Variants in OTOP3 observed in about 807,000 individuals in gnomAD.
OTOP3 encodes the protein proton channel OTOP3.
Under a neutral mutation model 50.8 loss-of-function variants are expected in OTOP3, and 41 were observed. The observed-to-expected ratio is 0.81, with a 90% CI of 0.63 to 1.05. OTOP3 has a LOEUF of 1.05. Ranked by LOEUF, OTOP3 falls within the 50% of genes least tolerant of loss-of-function variation. The pLI is 0.00. For synonymous variants in OTOP3, 320 were observed against 324.4 expected (o/e 0.99, Z 0.14); for missense variants, 788 against 760.8 (o/e 1.04, Z -0.42).
chr17:74,942,702 T>C (rs1252845868), intron 3 of OTOP3, among the ~76,000 whole-genome samples: 2 of 151,586 alleles, frequency 1.3e-5, no homozygotes, highest in Non-Finnish European at 2.9e-5. Flanking sequence ...GAGGCCGAGG[T>C]GGGTGGATCA....
intron 5 of OTOP3, among the ~76,000 whole-genome samples, chr17:74,945,973 T>C (rs2039220980): frequency 8.7e-6 from 1 of 114,504 alleles, no homozygotes; most frequent in Non-Finnish European, 1.8e-5. Flanking sequence ...TTTTGTTTTT[T>C]GTTTTTTGTG....
Position 74,946,905 on chromosome 17 carries a change from A to T in OTOP3, c.996A>T (p.Ala332=), listed in dbSNP as rs753703753. 2 of 1,611,998 alleles carry T rather than the reference A, an allele frequency of 1.2e-6. No individual in the cohort carries two copies. Among genetic ancestry groups the T allele is most frequent in the Non-Finnish European group, 1.7e-6 (2 of 1,179,940 alleles). Residue 332 remains alanine, a synonymous_variant, in exon 6 of 7, where the codon GCA becomes GCT. Coordinates refer to ENST00000328801, the MANE Select transcript of OTOP3 (RefSeq NM_001272005.2). ...TGCTGGGCCTGCTGGTGCTGCTGGCAGGTGTGTGCGTCTTTGTGCTCTTCC... is the reference window on the plus strand; with the variant it reads ...TGCTGGGCCTGCTGGTGCTGCTGGCTGGTGTGTGCGTCTTTGTGCTCTTCC... ...GPLLGLLVLL[A]GVCVFVLFQI... is the part of the protein sequence containing the mutation.
Position 74,947,910 on chromosome 17 carries a change from C to T in OTOP3, c.1566+435C>T, listed in dbSNP as rs139367122. On this transcript the variant is annotated intron_variant, in intron 6 of 6. Transcript: ENST00000328801. ...CATGACAGTAACTCCATGCAACAGACACTATTGCTGTCCCTTTTCACAGAG... is the reference window on the plus strand; with the variant it reads ...CATGACAGTAACTCCATGCAACAGATACTATTGCTGTCCCTTTTCACAGAG... 2.3e-3 allele frequency among the ~76,000 whole-genome samples: 345 copies of T among 152,326 alleles called. 3 individuals carry two copies. The highest frequency in any genetic ancestry group is 6.8e-3 in the African/African-American group (284 of 41,566).
intron 6 of OTOP3, 38 bp downstream of exon 6, chr17:74,947,513 G>A (rs1468914358): frequency 1.3e-6 from 2 of 1,520,990 alleles, no homozygotes; most frequent in East Asian, 4.6e-5. Flanking sequence ...GGGTAGAGGT[G>A]GCCAGGCAGA....
At chr17:74,941,050 G>A (rs145116297) in intron 1 of OTOP3, among the ~76,000 whole-genome samples, 1 of 152,176 alleles carries the variant, frequency 6.6e-6, no homozygotes, top group Non-Finnish European at 1.5e-5. Flanking sequence ...ATGGCAAAAA[G>A]TCACAGCCCT....
In OTOP3 at chr17:74,941,918, G is replaced by C. The variant is rs200909921; in HGVS notation, c.454G>C (p.Gly152Arg). The C allele has an allele frequency of 1.9e-6, 3 of 1,609,424 alleles. No homozygotes were observed. Among genetic ancestry groups the C allele is most frequent in the Non-Finnish European group, 2.5e-6 (3 of 1,177,166 alleles). ...LWVRGSLVLF[G>R]SCTFCLNIFR... ...CCGGCCAGGTTCCCTAGTGCTCTTCGGCAGCTGCACCTTCTGCCTCAACAT... is the reference window on the plus strand; with the variant it reads ...CCGGCCAGGTTCCCTAGTGCTCTTCCGCAGCTGCACCTTCTGCCTCAACAT... Residue 152 changes from glycine (G) to arginine (R), a missense_variant, in exon 3 of 7, where the codon GGC becomes CGC. Coordinates refer to ENST00000328801, the MANE Select transcript of OTOP3 (RefSeq NM_001272005.2).
Position 74,946,917 on chromosome 17 carries a change from C to G in OTOP3, c.1008C>G (p.Val336=). ...TGGTGCTGCTGGCAGGTGTGTGCGT[C>G]TTTGTGCTCTTCCAAATCGAGGCCA... ...GLLVLLAGVC[V]FVLFQIEASG... is the part of the protein sequence containing the mutation. The change falls in exon 6 of 7, where the codon GTC becomes GTG. Residue 336 remains valine (V), a synonymous_variant. Coordinates refer to ENST00000328801, the MANE Select transcript of OTOP3 (RefSeq NM_001272005.2). The G allele has an allele frequency of 6.2e-7, 1 of 1,612,378 alleles. No homozygotes were observed. The highest frequency in any genetic ancestry group is 1.1e-5 in the South Asian group (1 of 91,088).
In OTOP3 at chr17:74,947,223, G is replaced by A. The variant is rs1232387748; in HGVS notation, c.1314G>A (p.Leu438=). 2 of 1,613,928 alleles carry A rather than the reference G, an allele frequency of 1.2e-6. No homozygotes were observed. Among genetic ancestry groups the A allele is most frequent in the East Asian group, 2.2e-5 (1 of 44,882 alleles). The change falls in exon 6 of 7, where the codon CTG becomes CTA. Residue 438 remains leucine, a synonymous_variant. Transcript: ENST00000328801. ...LNRLILAYSL[L]LILQHIAQNL... is the part of the protein sequence containing the mutation. ...GCCTCATCCTGGCCTACTCGCTGCT[G>A]CTCATCCTGCAGCACATCGCTCAGA...
At chr17:74,946,571 T>C in intron 5 of OTOP3, 90 bp from the exon 6 acceptor site, 3 of 1,175,224 alleles carry the variant, frequency 2.6e-6, no homozygotes, top group Non-Finnish European at 3.6e-6. Flanking sequence ...CTCTAGTGTA[T>C]TCCAGGGAAT....
chr17:74,943,799 CGCT>C, intron 5 of OTOP3, 75 bp downstream of exon 5: 14 of 1,202,616 alleles, frequency 1.2e-5, no homozygotes, highest in African/African-American at 4.6e-5. Flanking sequence ...CACACATAAA[CGCT>C]ACACTCTCTA....
chr17:74,943,783 C>G, intron 5 of OTOP3, 59 bp downstream of exon 5: 1 of 1,257,500 alleles, frequency 8.0e-7, no homozygotes, highest in South Asian at 1.2e-5. Flanking sequence ...CACACACACA[C>G]ACACACACAC....
At chr17:74,935,857 G>A (rs1181947903), upstream of OTOP3, 1 of 1,533,972 alleles carries the variant, frequency 6.5e-7, no homozygotes. Flanking sequence ...AGGGCGTCGC[G>A]GGCATCGGTC....
At chr17:74,941,198 T>C (rs957928464) in intron 1 of OTOP3, among the ~76,000 whole-genome samples, 195 bp from the exon 2 acceptor site, 2 of 152,188 alleles carry the variant, frequency 1.3e-5, no homozygotes, top group Admixed American at 1.3e-4. Flanking sequence ...GAGGTTTCCG[T>C]AGGGTCTCCT....
chr17:74,948,271 C>A (rs2039248098), intron 6 of OTOP3, among the ~76,000 whole-genome samples: 1 of 152,152 alleles, frequency 6.6e-6, no homozygotes, highest in Non-Finnish European at 1.5e-5. Flanking sequence ...CACCTGTAAT[C>A]CCAGCACTTT....
chr17:74,949,431 G>A lies in OTOP3; in HGVS notation c.*15G>A, dbSNP rs567467307. 276 of 1,610,172 alleles carry A rather than the reference G, an allele frequency of 1.7e-4. 1 individual carries two copies. The highest frequency in any genetic ancestry group is 1.0e-3 in the Middle Eastern group (5 of 4,892). ...TGGGGGCCTGAGGCTGCCCACCCCC[G>A]GCAGAACCTCGAAGTGCCAAGGTGG... On this transcript the variant is annotated 3_prime_UTR_variant, in exon 7 of 7. Transcript: ENST00000328801.
rs1478962939 is a variant in OTOP3 at position 74,946,728 on chromosome 17, G to A, written c.819G>A (p.Leu273=). The A allele has an allele frequency of 6.2e-7, 1 of 1,613,240 alleles. No homozygotes were observed. Among genetic ancestry groups the A allele is most frequent in the Admixed American group, 1.7e-5 (1 of 60,028 alleles). Residue 273 remains leucine (L), a synonymous_variant, in exon 6 of 7, where the codon CTG becomes CTA. Coordinates refer to ENST00000328801, the MANE Select transcript of OTOP3 (RefSeq NM_001272005.2). ...GTGAAGCTTTCCGGAGAGGCTTCCTGATGCTCTACCCCTTCAGCACTGAGT... is the reference window on the plus strand; with the variant it reads ...GTGAAGCTTTCCGGAGAGGCTTCCTAATGCTCTACCCCTTCAGCACTGAGT... ...TACEAFRRGF[L]MLYPFSTEYC...
In OTOP3 at chr17:74,947,281, C is replaced by G; in HGVS notation, c.1372C>G (p.Pro458Ala). ...CATCATCGAGGGCCTGCACCGGCGC[C>G]CACTCTGGGAGACAGTTCCCGAGGG... ...LFIIEGLHRR[P>A]LWETVPEGLA... is the part of the protein sequence containing the mutation. The change falls in exon 6 of 7, where the codon CCA becomes GCA. Residue 458 changes from proline (P) to alanine (A), a missense_variant. Pro to Ala is a conservative substitution (Grantham distance 27, BLOSUM62 -1). Coordinates refer to ENST00000328801, the MANE Select transcript of OTOP3 (RefSeq NM_001272005.2). 1 of 1,613,534 alleles carries G rather than the reference C, an allele frequency of 6.2e-7. No homozygotes were observed. The highest frequency in any genetic ancestry group is 8.5e-7 in the Non-Finnish European group (1 of 1,179,830).
rs895738353 is a variant in OTOP3, at chr17:74,943,812, A to G, written c.751+88A>G. 1.8e-5 allele frequency: 20 copies of G among 1,137,932 alleles called. No individual in the cohort carries two copies. The African/African-American group carries it at 2.2e-4, about 12-fold the overall frequency. The allele number at this position is 1,137,932 out of a possible 1,614,324, so 70.5% of individuals were successfully genotyped here. On this transcript the variant is annotated intron_variant, in intron 5 of 6. Coordinates refer to ENST00000328801, the MANE Select transcript of OTOP3 (RefSeq NM_001272005.2). ...CACACACATAAACGCTACACTCTCT[A>G]AAACAGGTGAGGCTCAGTAGGTCTA... is the stretch of plus-strand genomic sequence containing the variant.
At chr17:74,942,516 A>C (rs1217262228) in intron 3 of OTOP3, among the ~76,000 whole-genome samples, 1 of 152,178 alleles carries the variant, frequency 6.6e-6, no homozygotes, top group East Asian at 1.9e-4. Flanking sequence ...CTGTAGTCCC[A>C]GCTACTCGGG....
Sources: gnomAD v4.1 joint callset for allele counts (sites outside exome capture counted in the v4.1 genomes callset) on GRCh38, gnomAD v4.1.1 for gene constraint, MANE v1.5 for transcripts, NCBI Gene and HGNC (gene_info 2026-07-23, HGNC 2026-07-21) for gene names.